SYNE1: variants seen among roughly 807,000 people sequenced by gnomAD.
SYNE1 encodes the protein nesprin-1.
In SYNE1, 616 loss-of-function variants were observed where a neutral mutation model predicts 1,111.0. The observed-to-expected ratio is 0.55, with a 90% CI of 0.52 to 0.59. The LOEUF (loss-of-function observed/expected upper bound fraction) is 0.59, where lower values mean the gene tolerates loss of function less well. Among genes scored for constraint, SYNE1 ranks in the 20% least tolerant of loss-of-function variants. The probability of loss-of-function intolerance (pLI) is 0.00; values close to 1 mark genes in which losing one functional copy is unlikely to be tolerated. For missense variants in SYNE1, 10,006 were observed against 10,417.0 expected, an observed-to-expected ratio of 0.96 and a Z score of 1.72; for synonymous variants, 3,855 against 3,825.8, an observed-to-expected ratio of 1.01 and a Z score of -0.28.
intron 124 of SYNE1, among the ~76,000 whole-genome samples, chr6:152,210,502 G>T (rs1382131528): frequency 6.6e-6 from 1 of 152,070 alleles, no homozygotes; most frequent in Admixed American, 6.5e-5. Flanking sequence ...ACATTCTGTT[G>T]TTCCAAGCTT....
In SYNE1 at chr6:152,224,957, G is replaced by GTA. The variant is rs1220700858; in HGVS notation, c.21352-294_21352-293insTA. On this transcript the variant is annotated intron_variant, in intron 116 of 145. Transcript: ENST00000367255. ...TATACATATGTATACACATATATAT[G>GTA]TGTATATATATATACATATATGTAT... 4.1e-3 allele frequency among the ~76,000 whole-genome samples: 582 copies of GTA among 143,064 alleles called. 12 individuals carry two copies. The highest frequency in any genetic ancestry group is 8.1e-3 in the South Asian group (37 of 4,556). 93.9% of individuals were successfully genotyped at this position (143,064 alleles called of 152,430 possible).
chr6:152,414,712 C>T (rs962304494), intron 41 of SYNE1, among the ~76,000 whole-genome samples: 2 of 152,120 alleles, frequency 1.3e-5, no homozygotes, highest in African/African-American at 4.8e-5. Context: ...ACTGATGTGG[C>T]TCCTGAGCTC....
chr6:152,419,844 T>C (rs1046273301), intron 39 of SYNE1, 122 bp from the exon 40 acceptor site: 12 of 939,332 alleles, frequency 1.3e-5, no homozygotes, highest in South Asian at 3.0e-5. Flanking sequence ...GAACACTCTA[T>C]ACCTCTTGAT....
intron 61 of SYNE1, 196 bp from the exon 62 acceptor site, chr6:152,367,578 GC>G: frequency 3.2e-6 from 2 of 623,166 alleles, no homozygotes; most frequent in Admixed American, 2.8e-5. Context: ...TGGGTCAAAA[GC>G]AAAAAAAAAA....
intron 131 of SYNE1, among the ~76,000 whole-genome samples, chr6:152,156,528 T>C (rs907251534): frequency 1.3e-5 from 2 of 152,206 alleles, no homozygotes; most frequent in Non-Finnish European, 2.9e-5. Flanking sequence ...TGATATTGAA[T>C]GCTGTAGTAT....
chr6:152,250,672 T>C lies in SYNE1; in HGVS notation c.19471-1410A>G, dbSNP rs559817364. ...TATAATAACAGCCCTGGAAAAATCC[T>C]AGAAACAATAGTTTTACATATGAGT... is the stretch of plus-strand genomic sequence containing the variant. On this transcript the variant is annotated intron_variant, in intron 104 of 145. Transcript: ENST00000367255. Among the ~76,000 whole-genome samples the C allele has an allele frequency of 2.6e-5, 4 of 152,352 alleles. No individual in the cohort carries two copies. In the South Asian group the frequency reaches 6.2e-4, roughly 24 times the overall value.
intron 58 of SYNE1, among the ~76,000 whole-genome samples, chr6:152,373,503 A>G (rs1410897021): frequency 6.6e-6 from 1 of 151,966 alleles, no homozygotes; most frequent in East Asian, 1.9e-4. Flanking sequence ...GATGGTCTTG[A>G]TCTCCTGACC....
At chr6:152,451,003 T>C (rs752084226) in intron 26 of SYNE1, 44 bp downstream of exon 26, 40 of 1,613,216 alleles carry the variant, frequency 2.5e-5, no homozygotes, top group Middle Eastern at 3.3e-4. Context: ...TATGGAACAA[T>C]GTGACTTGAC....
At chr6:152,454,732 A>G (rs214971) in intron 24 of SYNE1, among the ~76,000 whole-genome samples, 79,686 of 152,056 alleles carry the variant, frequency 0.52, 22,775 homozygotes, top group East Asian at 0.76. Flanking sequence ...TGAATGAGAT[A>G]TTTTGTGTTT....
Position 152,396,798 on chromosome 6 carries a change from T to C in SYNE1, c.7533A>G (p.Gln2511=), listed in dbSNP as rs779027283. The C allele has an allele frequency of 5.6e-6, 9 of 1,614,060 alleles. No homozygotes were observed. The East Asian group carries it at 1.8e-4, about 32-fold the overall frequency. ...KQCLKDKQAL[Q]DCASELGSFE... ...ACCTTCCAAGTTCTGAAGCACAGTC[T>C]TGAAGAGCCTGCTTATCTTTAAGGC... is the stretch of plus-strand genomic sequence containing the variant. Residue 2511 remains glutamine, a synonymous_variant, in exon 50 of 146, where the codon CAA becomes CAG. Coordinates refer to ENST00000367255, the MANE Select transcript of SYNE1 (RefSeq NM_182961.4).
Position 152,471,563 on chromosome 6 carries a change from A to G in SYNE1, c.1632+34T>C, listed in dbSNP as rs774311450. 3 of 1,606,522 alleles carry G rather than the reference A, an allele frequency of 1.9e-6. No individual in the cohort carries two copies. In the South Asian group the frequency reaches 3.3e-5, roughly 18 times the overall value. ...AACTGTGTTGCTAAATCCATGGCTCATAGGAATTCTCTGTCAAAGCACGGG... is the reference window on the plus strand; with the variant it reads ...AACTGTGTTGCTAAATCCATGGCTCGTAGGAATTCTCTGTCAAAGCACGGG... On this transcript the variant is annotated intron_variant, in intron 16 of 145. Coordinates refer to ENST00000367255, the MANE Select transcript of SYNE1 (RefSeq NM_182961.4).
chr6:152,465,195 T>A, intron 18 of SYNE1, 63 bp downstream of exon 18: 1 of 1,558,410 alleles, frequency 6.4e-7, no homozygotes. Context: ...TGAGCTACGC[T>A]GTAAAAGTCT....
Position 152,352,047 on chromosome 6 carries a change from C to T in SYNE1, c.11560G>A (p.Ala3854Thr), listed in dbSNP as rs776601282. 3.7e-6 allele frequency: 6 copies of T among 1,614,140 alleles called. No individual in the cohort carries two copies. Among genetic ancestry groups the T allele is most frequent in the Non-Finnish European group, 5.1e-6 (6 of 1,180,030 alleles). The change falls in exon 70 of 146, where the codon GCT becomes ACT. Residue 3854 changes from alanine to threonine, a missense_variant. Ala to Thr is a moderately conservative substitution (Grantham distance 58). Around this residue, in one of 7 missense-constraint regions of SYNE1, gnomAD observed 4,955 missense variants for 5,017.2 expected, o/e 0.99. Coordinates refer to ENST00000367255, the MANE Select transcript of SYNE1 (RefSeq NM_182961.4). Reference protein sequence around the residue: ...EPKMELYEKKAQLSKYKSLQQ... With the variant: ...EPKMELYEKKTQLSKYKSLQQ... ...ACTACCTTGTATTTAGATAACTGAG[C>T]TTTTTTCTCATATAATTCCATTTTG...
In SYNE1 at chr6:152,387,313, A is replaced by G; in HGVS notation, c.8246T>C (p.Met2749Thr). 1 of 1,614,200 alleles carries G rather than the reference A, an allele frequency of 6.2e-7. No individual in the cohort carries two copies. ...TTCTATTTTTTGATCCACTGATTCC[A>G]TCCACTGCTCCAACTGGTTTTTCCT... ...VERKNQLEQW[M>T]ESVDQKIEHP... The change falls in exon 54 of 146, where the codon ATG becomes ACG. Residue 2749 changes from methionine (M) to threonine (T), a missense_variant. Met to Thr is a moderately conservative substitution (Grantham distance 81). Transcript: ENST00000367255.
At chr6:152,498,037 G>A (rs952596515) in intron 11 of SYNE1, among the ~76,000 whole-genome samples, 2 of 151,950 alleles carry the variant, frequency 1.3e-5, no homozygotes, top group African/African-American at 4.8e-5. Flanking sequence ...CATACTTTAT[G>A]GAGCATGATA....
intron 3 of SYNE1, among the ~76,000 whole-genome samples, chr6:152,602,024 G>A (rs193015841): frequency 6.6e-6 from 1 of 152,028 alleles, no homozygotes; most frequent in African/African-American, 2.4e-5. Flanking sequence ...GCCAAAGTCA[G>A]GAGCTTGGAG....
intron 127 of SYNE1, among the ~76,000 whole-genome samples, chr6:152,194,679 A>C (rs1005220208): frequency 6.6e-6 from 1 of 152,052 alleles, no homozygotes; most frequent in African/African-American, 2.4e-5. Context: ...TCCTGTAGGC[A>C]TGTTTCATTG....
At chr6:152,201,999 C>T (rs2075559984) in intron 126 of SYNE1, 50 bp from the exon 127 acceptor site, 1 of 1,603,988 alleles carries the variant, frequency 6.2e-7, no homozygotes, top group African/African-American at 1.3e-5. Flanking sequence ...ATGTAGGAAA[C>T]TGGGGGGGGA....
rs1373867861 is a variant in SYNE1, at chr6:152,309,907, A to G, written c.17130T>C (p.His5710=). Residue 5710 remains histidine, a synonymous_variant, in exon 90 of 146, where the codon CAT becomes CAC. Coordinates refer to ENST00000367255, the MANE Select transcript of SYNE1 (RefSeq NM_182961.4). Reference sequence around the variant, plus strand: ...CCTCTTCCTGCAGCCGCAGAGCAGCATGACAGAGAGGTAAGCTGGCAACCA... The same window carrying G: ...CCTCTTCCTGCAGCCGCAGAGCAGCGTGACAGAGAGGTAAGCTGGCAACCA... ...EDVVASLPLC[H]AALRLQEEAS... is the part of the protein sequence containing the mutation. 2 of 1,614,166 alleles carry G rather than the reference A, an allele frequency of 1.2e-6. No individual in the cohort carries two copies. Among genetic ancestry groups the G allele is most frequent in the Non-Finnish European group, 8.5e-7 (1 of 1,180,046 alleles).
Sources: gnomAD v4.1 joint callset for allele counts (sites outside exome capture counted in the v4.1 genomes callset) on GRCh38, gnomAD v4.1.1 for gene constraint, gnomAD v4.1.1 regional missense constraint, MANE v1.5 for transcripts, NCBI Gene and HGNC (gene_info 2026-07-23, HGNC 2026-07-21) for gene names.